The following ARHGAP24 variants were observed in gnomAD, a reference collection of about 807,000 sequenced individuals.
ARHGAP24 encodes the protein Rho GTPase activating protein 24.
In ARHGAP24, 50 loss-of-function variants were observed where a neutral mutation model predicts 76.4. The ratio of observed to expected loss-of-function variants is 0.65; its 90% CI spans 0.52 to 0.83. The LOEUF is 0.83. Among genes scored for constraint, ARHGAP24 ranks in the 40% least tolerant of loss-of-function variants. The pLI is 0.00. For synonymous variants in ARHGAP24, 345 were observed against 323.3 expected (o/e 1.07, Z -0.72); for missense variants, 930 against 914.2 (o/e 1.02, Z -0.22).
chr4:85,566,280 C>T (rs143929742), intron 1 of ARHGAP24, among the ~76,000 whole-genome samples: 5 of 152,270 alleles, frequency 3.3e-5, no homozygotes, highest in Admixed American at 1.3e-4. Context: ...ATTTTCCCAG[C>T]GGAGATTCAG....
chr4:85,720,087 G>A lies in ARHGAP24; in HGVS notation c.181-1798G>A, dbSNP rs147584561. Among the ~76,000 whole-genome samples, 650 of 151,676 alleles carry A rather than the reference G, an allele frequency of 4.3e-3. 4 individuals are homozygous for A. Among genetic ancestry groups the A allele is most frequent in the African/African-American group, 0.015 (629 of 41,340 alleles). ...AGTGAGAACACTTGGACACAGGAAG[G>A]GGGACATCACCCACCGGGGCCTGTT... On this transcript the variant is annotated intron_variant, in intron 2 of 9. Transcript: ENST00000395184.
At chr4:85,506,540 A>AAGGGAAGGGAAATCCACCAACCCCTTG (rs1560512565) in intron 1 of ARHGAP24, among the ~76,000 whole-genome samples, 2 of 152,092 alleles carry the variant, frequency 1.3e-5, no homozygotes, top group African/African-American at 4.8e-5. Context: ...TGGGCATGGG[A>AAGGGAAGGGAAATCCACCAACCCCTTG]CCCACTGAGC....
intron 1 of ARHGAP24, among the ~76,000 whole-genome samples, chr4:85,539,515 A>G (rs1460013161): frequency 6.6e-6 from 1 of 152,214 alleles, no homozygotes; most frequent in Non-Finnish European, 1.5e-5. Flanking sequence ...AAATCATATC[A>G]AAGTACATAT....
At chr4:85,693,894 C>T (rs998191697) in intron 2 of ARHGAP24, among the ~76,000 whole-genome samples, 1 of 152,190 alleles carries the variant, frequency 6.6e-6, no homozygotes, top group Non-Finnish European at 1.5e-5. Context: ...TCTGCCTACT[C>T]TCCAGGCAGA....
chr4:85,762,595 T>C (rs1268765859), intron 3 of ARHGAP24, among the ~76,000 whole-genome samples: 1 of 152,146 alleles, frequency 6.6e-6, no homozygotes, highest in African/African-American at 2.4e-5. Context: ...GATAGCTCTA[T>C]CTTGAAAAAT....
At chr4:85,807,913 A>G (rs1487019004) in intron 3 of ARHGAP24, among the ~76,000 whole-genome samples, 1 of 152,088 alleles carries the variant, frequency 6.6e-6, no homozygotes, top group Non-Finnish European at 1.5e-5. Flanking sequence ...TGTATCCCTC[A>G]AGGCACTTTT....
intron 2 of ARHGAP24, among the ~76,000 whole-genome samples, chr4:85,600,264 G>A (rs944432826): frequency 1.3e-5 from 2 of 152,180 alleles, no homozygotes; most frequent in Non-Finnish European, 2.9e-5. Flanking sequence ...TGTGGCTAGA[G>A]GCAGGGGCCA....
chr4:85,622,627 G>C (rs1720761892), intron 2 of ARHGAP24, among the ~76,000 whole-genome samples: 1 of 152,136 alleles, frequency 6.6e-6, no homozygotes, highest in East Asian at 1.9e-4. Context: ...TGGGATGGCT[G>C]GGTTAAATGG....
At chr4:85,555,232 T>C (rs2110131827) in intron 1 of ARHGAP24, among the ~76,000 whole-genome samples, 1 of 152,340 alleles carries the variant, frequency 6.6e-6, no homozygotes, top group East Asian at 1.9e-4. Flanking sequence ...TTGTGCTGGT[T>C]CTTTCTCATC....
chr4:85,680,938 T>C (rs1723180690), intron 2 of ARHGAP24, among the ~76,000 whole-genome samples: 13 of 151,960 alleles, frequency 8.6e-5, no homozygotes, highest in Admixed American at 8.5e-4. Context: ...ATTTTTCTGA[T>C]GATTTCCTAA....
intron 1 of ARHGAP24, among the ~76,000 whole-genome samples, chr4:85,487,714 AAATATATATTTATATTATATATTATAT>A (rs1560505646): frequency 1.7e-3 from 169 of 100,792 alleles, no homozygotes; most frequent in African/African-American, 7.7e-3. Flanking sequence ...TATATTATAT[AAATATATATTTATATTATATATTATAT>A]AATATATATT....
intron 1 of ARHGAP24, among the ~76,000 whole-genome samples, chr4:85,525,274 T>TA (rs1553912367): frequency 8.6e-5 from 13 of 150,494 alleles, no homozygotes; most frequent in African/African-American, 1.9e-4. Flanking sequence ...TTTTTTTTTT[T>TA]ACCGTAGCTC....
intron 3 of ARHGAP24, among the ~76,000 whole-genome samples, chr4:85,767,074 A>T (rs1356174049): frequency 6.6e-6 from 1 of 152,130 alleles, no homozygotes; most frequent in Non-Finnish European, 1.5e-5. Flanking sequence ...TATACCACAT[A>T]ACCCACGTGT....
At chr4:85,778,964 A>C in intron 3 of ARHGAP24, 1 of 985,434 alleles carries the variant, frequency 1.0e-6, no homozygotes, top group Non-Finnish European at 1.2e-6. Flanking sequence ...GTGACTTATA[A>C]GGTACTGTTT....
chr4:85,716,591 G>GGATA (rs1724742522), intron 2 of ARHGAP24, among the ~76,000 whole-genome samples: 1 of 151,922 alleles, frequency 6.6e-6, no homozygotes, highest in East Asian at 1.9e-4. Flanking sequence ...GAACATCAAG[G>GGATA]GATAACATGC....
intron 2 of ARHGAP24, among the ~76,000 whole-genome samples, chr4:85,625,416 A>T (rs943548453): frequency 6.6e-6 from 1 of 152,052 alleles, no homozygotes; most frequent in African/African-American, 2.4e-5. Context: ...CTCTAGTTTG[A>T]TTGCACTGTT....
chr4:85,730,994 ACAC>A (rs1295599633), intron 3 of ARHGAP24, among the ~76,000 whole-genome samples: 131 of 107,532 alleles, frequency 1.2e-3, no homozygotes, highest in African/African-American at 3.9e-3. Context: ...CTGCACACAC[ACAC>A]ACACACACAC....
intron 7 of ARHGAP24, chr4:85,975,847 T>C (rs1191258704): frequency 6.6e-6 from 1 of 152,224 alleles, no homozygotes; most frequent in Non-Finnish European, 1.5e-5. Context: ...AGTCTAAGAC[T>C]AATATCAGAC....
chr4:85,554,940 A>G (rs1352832982), intron 1 of ARHGAP24, among the ~76,000 whole-genome samples: 10 of 151,522 alleles, frequency 6.6e-5, no homozygotes. Flanking sequence ...TCAGCCTCCC[A>G]AAGTGTTGGG....
Sources: allele counts gnomAD v4.1 joint callset (sites outside exome capture counted in the v4.1 genomes callset), GRCh38; gene constraint gnomAD v4.1.1; transcripts MANE v1.5; gene names NCBI Gene and HGNC (gene_info 2026-07-23, HGNC 2026-07-21).